TG: variants seen among roughly 807,000 people sequenced by gnomAD.
TG encodes thyroid hormones.
In TG, 270 loss-of-function variants were observed where a neutral mutation model predicts 324.7. The ratio of observed to expected loss-of-function variants is 0.83; its 90% CI spans 0.75 to 0.92. The LOEUF is 0.92. Among genes scored for constraint, TG ranks in the 40% least tolerant of loss-of-function variants. The pLI, the probability that TG is intolerant of heterozygous loss-of-function variation, is 0.00. For missense variants in TG, 3,591 were observed against 3,456.4 expected, an observed-to-expected ratio of 1.04 and a Z score of -0.98; for synonymous variants, 1,401 against 1,327.0, an observed-to-expected ratio of 1.06 and a Z score of -1.21.
chr8:133,048,963 T>TATCA (rs1839941757), intron 41 of TG: 1 of 332,078 alleles, frequency 3.0e-6, no homozygotes, highest in South Asian at 2.4e-5. Flanking sequence ...ACTTAGTGTT[T>TATCA]ATCAATGGAT....
At chr8:132,929,038 C>A (rs1822301630) in intron 22 of TG, 38 bp from the exon 23 acceptor site, 3 of 1,567,292 alleles carry the variant, frequency 1.9e-6, no homozygotes, top group Admixed American at 1.7e-5. Context: ...GCCCTACACC[C>A]TTCTGAGTCA....
intron 21 of TG, 67 bp from the exon 22 acceptor site, chr8:132,923,271 C>T (rs1563959501): frequency 1.3e-6 from 2 of 1,572,848 alleles, no homozygotes; most frequent in South Asian, 2.2e-5. Context: ...GACCGAGAGC[C>T]TGGGAGTAGG....
chr8:132,987,618 T>A (rs1214394858), intron 35 of TG, among the ~76,000 whole-genome samples: 5 of 152,100 alleles, frequency 3.3e-5, no homozygotes, highest in Non-Finnish European at 7.4e-5. Context: ...TAAGGTTACT[T>A]GGTTGAGTTT....
At chr8:132,928,004 T>C (rs899021120) in intron 22 of TG, among the ~76,000 whole-genome samples, 18 of 152,190 alleles carry the variant, frequency 1.2e-4, no homozygotes, top group African/African-American at 4.3e-4. Context: ...AGAATTCTTT[T>C]CTCTATCAAC....
intron 41 of TG, among the ~76,000 whole-genome samples, chr8:133,057,678 C>G (rs1255210082): frequency 6.6e-6 from 1 of 151,612 alleles, no homozygotes; most frequent in Non-Finnish European, 1.5e-5. Flanking sequence ...CTATTTCCCT[C>G]AAGTCCTGCT....
At chr8:132,910,435 A>G (rs1465215975) in intron 18 of TG, among the ~76,000 whole-genome samples, 2 of 151,800 alleles carry the variant, frequency 1.3e-5, no homozygotes, top group Non-Finnish European at 2.9e-5. Flanking sequence ...CTTTATGTAA[A>G]CTCTCTTGGA....
At position 133,021,996 on chromosome 8, in the gene TG, T is replaced by TA; in HGVS notation, c.6884dup (p.Asn2295LysfsTer18). 6.2e-7 allele frequency: 1 copy of TA among 1,614,086 alleles called. No homozygotes were observed. Among genetic ancestry groups the TA allele is most frequent in the Non-Finnish European group, 8.5e-7 (1 of 1,180,020 alleles). ...TGTTTCTCCAATACCCACAGGCCCCTAACGCGTCTGTGCTGGTGTTCTTCC... is the reference window on the plus strand; with the variant it reads ...TGTTTCTCCAATACCCACAGGCCCCTAAACGCGTCTGTGCTGGTGTTCTTCC... On this transcript the variant is annotated frameshift_variant, in exon 40 of 48. Coordinates refer to ENST00000220616, the MANE Select transcript of TG (RefSeq NM_003235.5). LOFTEE classifies it high-confidence loss of function.
chr8:133,027,244 C>T (rs1009583695), intron 40 of TG, among the ~76,000 whole-genome samples: 2 of 152,178 alleles, frequency 1.3e-5, no homozygotes, highest in Non-Finnish European at 2.9e-5. Context: ...TGAATGCTTG[C>T]TGGGTGCTCT....
chr8:132,899,030 GTGTT>G (rs1817550570), intron 14 of TG, 120 bp downstream of exon 14: 8 of 904,394 alleles, frequency 8.8e-6, no homozygotes, highest in Non-Finnish European at 1.4e-5. Context: ...CTCAGCCTGG[GTGTT>G]TGTCTGGGCC....
intron 35 of TG, among the ~76,000 whole-genome samples, chr8:133,010,835 G>C (rs545048262): frequency 6.6e-6 from 1 of 152,252 alleles, no homozygotes; most frequent in South Asian, 2.1e-4. Flanking sequence ...CCTCCCCCAT[G>C]CTGAGACAGC....
intron 22 of TG, among the ~76,000 whole-genome samples, chr8:132,928,656 A>T (rs1822236928): frequency 6.6e-6 from 1 of 152,352 alleles, no homozygotes; most frequent in South Asian, 2.1e-4. Flanking sequence ...ACATATGCAC[A>T]TGTCTTTTAA....
At chr8:132,972,072 A>C (rs1034373448) in intron 33 of TG, among the ~76,000 whole-genome samples, 199 bp downstream of exon 33, 1 of 152,134 alleles carries the variant, frequency 6.6e-6, no homozygotes, top group African/African-American at 2.4e-5. Flanking sequence ...ATCACTTTAC[A>C]TGTGCAGTTC....
chr8:133,053,548 C>T (rs1156798464), intron 41 of TG, among the ~76,000 whole-genome samples: 2 of 152,080 alleles, frequency 1.3e-5, no homozygotes, highest in African/African-American at 2.4e-5. Context: ...TTGCAAAAAA[C>T]GTGTTGAAAT....
chr8:133,106,384 G>A, intron 43 of TG: 2 of 985,328 alleles, frequency 2.0e-6, no homozygotes, highest in Non-Finnish European at 1.2e-6. Flanking sequence ...AGCCTGGCCT[G>A]CTCTGTGTTC....
chr8:133,128,609 T>A (rs755950869), intron 45 of TG, among the ~76,000 whole-genome samples: 71 of 152,142 alleles, frequency 4.7e-4, no homozygotes, highest in Non-Finnish European at 1.3e-4. Context: ...GATTCAGCAG[T>A]GGAAGTGGGA....
Position 132,920,161 on chromosome 8 carries a change from T to C in TG, c.4528+636T>C, listed in dbSNP as rs985617090. ...CTCTGCTGCATGAATTTGCCAGGAC[T>C]GTATGTATGGGTGGCCTTCCCATAT... is the stretch of plus-strand genomic sequence containing the variant. On this transcript the variant is annotated intron_variant, in intron 21 of 47. Transcript: ENST00000220616. Among the ~76,000 whole-genome samples the C allele has an allele frequency of 2.0e-5, 3 of 152,224 alleles. No homozygotes were observed. The South Asian group carries it at 6.2e-4, about 31-fold the overall frequency.
chr8:132,986,900 A>G (rs1057095847), intron 35 of TG, among the ~76,000 whole-genome samples: 2 of 152,210 alleles, frequency 1.3e-5, no homozygotes, highest in Non-Finnish European at 2.9e-5. Flanking sequence ...TTTTATCACT[A>G]AAAAATTATT....
At chr8:133,042,982 C>T (rs200100454) in intron 41 of TG, among the ~76,000 whole-genome samples, 1 of 110,594 alleles carries the variant, frequency 9.0e-6, no homozygotes, top group Non-Finnish European at 1.9e-5. Context: ...GCATGACCCA[C>T]CATGCCTGGC....
At position 133,070,029 on chromosome 8, in the gene TG, A is replaced by AAAAAC. The variant is rs376711807; in HGVS notation, c.7240-25014_7240-25013insAAACA. Among the ~76,000 whole-genome samples, 32 of 109,796 alleles carry AAAAAC rather than the reference A, an allele frequency of 2.9e-4. 6 individuals are homozygous for AAAAAC. The highest frequency in any genetic ancestry group is 5.8e-4 in the African/African-American group (15 of 25,814). 72.0% of individuals were successfully genotyped at this position (109,796 alleles called of 152,430 possible). A position where few individuals can be genotyped will look rare whatever the true frequency, so the allele number is the denominator to read the frequency against. On this transcript the variant is annotated intron_variant, in intron 41 of 47. Transcript: ENST00000220616. The stretch of plus-strand genomic sequence containing the variant: ...AAAAAAAAAAAAAAAAAAAAAAAGA[A>AAAAAC]AGAAAGAAAGAAAAGAAAAGAAGAA...
Sources: allele counts gnomAD v4.1 joint callset (sites outside exome capture counted in the v4.1 genomes callset), GRCh38; gene constraint gnomAD v4.1.1; transcripts MANE v1.5; gene names NCBI Gene and HGNC (gene_info 2026-07-23, HGNC 2026-07-21).